The following TLE4 variants were observed in gnomAD, a reference collection of about 807,000 sequenced individuals.
TLE4 encodes the protein TLE family member 4, transcriptional corepressor.
TLE4 carries 8 observed loss-of-function variants against 92.8 expected under a neutral mutation model. The ratio of observed to expected loss-of-function variants is 0.09; its 90% CI spans 0.05 to 0.16. The LOEUF (loss-of-function observed/expected upper bound fraction) is 0.16, where lower values mean the gene tolerates loss of function less well. Among genes scored for constraint, TLE4 ranks in the 10% least tolerant of loss-of-function variants. TLE4 has a pLI of 1.00. For synonymous variants in TLE4, 371 were observed against 374.1 expected, an observed-to-expected ratio of 0.99 and a Z score of 0.10; for missense variants, 675 against 997.6, an observed-to-expected ratio of 0.68 and a Z score of 4.36.
intron 4 of TLE4, among the ~76,000 whole-genome samples, chr9:79,581,651 TA>T (rs1478951660): frequency 6.6e-6 from 1 of 152,230 alleles, no homozygotes; most frequent in South Asian, 2.1e-4. Context: ...AAAAGTTGAT[TA>T]AACAGGGTCA....
chr9:79,680,748 A>T (rs2064359617), intron 8 of TLE4, among the ~76,000 whole-genome samples: 2 of 152,168 alleles, frequency 1.3e-5, no homozygotes, highest in South Asian at 4.1e-4. Context: ...ATTCAGTATG[A>T]TATTGGCTGT....
rs1375573909 is a variant in TLE4, at chr9:79,714,381, G to A, written c.1341-4341G>A. 2.6e-5 allele frequency among the ~76,000 whole-genome samples: 4 copies of A among 152,056 alleles called. No homozygotes were observed. The East Asian group carries it at 5.8e-4, about 22-fold the overall frequency. Reference sequence around the variant, plus strand: ...GATCTGGTATGTTTTTTCAGACTATGCTTGGCCAGTTCCTCCATCCACCTA... The same window carrying A: ...GATCTGGTATGTTTTTTCAGACTATACTTGGCCAGTTCCTCCATCCACCTA... On this transcript the variant is annotated intron_variant, in intron 14 of 19. Coordinates refer to ENST00000376552, the MANE Select transcript of TLE4 (RefSeq NM_007005.6).
At chr9:79,627,508 C>G in intron 6 of TLE4, 60 bp downstream of exon 6, 4 of 1,535,582 alleles carry the variant, frequency 2.6e-6, no homozygotes, top group Non-Finnish European at 3.6e-6. Context: ...CTCTCGCTCT[C>G]TCTTTTTACA....
intron 4 of TLE4, among the ~76,000 whole-genome samples, chr9:79,583,896 TTTAAATA>T (rs1350094278): frequency 6.6e-6 from 1 of 152,184 alleles, no homozygotes; most frequent in Admixed American, 6.5e-5. Context: ...CATGTATTTA[TTTAAATA>T]GCTTCTGTCA....
intron 4 of TLE4, among the ~76,000 whole-genome samples, chr9:79,610,597 T>C (rs998707628): frequency 6.6e-6 from 1 of 151,986 alleles, no homozygotes; most frequent in Admixed American, 6.6e-5. Flanking sequence ...GCATGACAAC[T>C]TAAAGAAATT....
At chr9:79,585,512 T>C (rs1019639224) in intron 4 of TLE4, among the ~76,000 whole-genome samples, 3 of 152,216 alleles carry the variant, frequency 2.0e-5, no homozygotes, top group African/African-American at 7.2e-5. Flanking sequence ...ACCAGCTTTG[T>C]GATATTGCTG....
At chr9:79,656,353 AATTT>A (rs2134311147) in intron 8 of TLE4, among the ~76,000 whole-genome samples, 1 of 152,274 alleles carries the variant, frequency 6.6e-6, no homozygotes, top group Non-Finnish European at 1.5e-5. Flanking sequence ...TGTATGAAAT[AATTT>A]ATTTATGCAA....
chr9:79,575,837 A>G (rs1325862250), intron 3 of TLE4: 4 of 259,066 alleles, frequency 1.5e-5, no homozygotes, highest in Non-Finnish European at 2.9e-5. Context: ...AGGATACCAA[A>G]TTTTCATCAG....
intron 6 of TLE4, among the ~76,000 whole-genome samples, chr9:79,652,141 AAT>A (rs1408883865): frequency 6.6e-6 from 1 of 152,026 alleles, no homozygotes; most frequent in Non-Finnish European, 1.5e-5. Flanking sequence ...CCCTTTTAAA[AAT>A]ATATATATGT....
chr9:79,707,691 T>G (rs2072060617), intron 11 of TLE4, among the ~76,000 whole-genome samples: 1 of 152,238 alleles, frequency 6.6e-6, no homozygotes, highest in Non-Finnish European at 1.5e-5. Flanking sequence ...TGCTCTCTGC[T>G]TAGTCTCTAT....
At chr9:79,715,597 C>G (rs1400570921) in intron 14 of TLE4, among the ~76,000 whole-genome samples, 1 of 152,086 alleles carries the variant, frequency 6.6e-6, no homozygotes, top group Non-Finnish European at 1.5e-5. Flanking sequence ...TGGTGAAAAC[C>G]TTGCTCCTTT....
intron 8 of TLE4, among the ~76,000 whole-genome samples, chr9:79,663,884 T>C (rs568619187): frequency 1.2e-3 from 190 of 152,288 alleles, no homozygotes; most frequent in Non-Finnish European, 2.0e-3. Context: ...AAACAAGGCT[T>C]CAGAAAAGCC....
At chr9:79,619,464 A>G (rs940588764) in intron 5 of TLE4, among the ~76,000 whole-genome samples, 4 of 152,194 alleles carry the variant, frequency 2.6e-5, no homozygotes, top group African/African-American at 9.7e-5. Context: ...TACAGTGGTT[A>G]TATGCACTGG....
intron 4 of TLE4, among the ~76,000 whole-genome samples, chr9:79,598,963 G>A (rs1226694116): frequency 1.3e-5 from 2 of 152,160 alleles, no homozygotes; most frequent in African/African-American, 4.8e-5. Flanking sequence ...AATTTCCTAA[G>A]TCTGAGGTGC....
At chr9:79,617,677 CA>C (rs1170623876) in intron 5 of TLE4, among the ~76,000 whole-genome samples, 4 of 152,046 alleles carry the variant, frequency 2.6e-5, no homozygotes, top group African/African-American at 7.2e-5. Flanking sequence ...AAATGTGGAG[CA>C]AAATACTTAA....
chr9:79,713,636 C>T (rs2136094070), intron 14 of TLE4, among the ~76,000 whole-genome samples: 1 of 152,226 alleles, frequency 6.6e-6, no homozygotes, highest in East Asian at 1.9e-4. Flanking sequence ...AAATTAGGTC[C>T]TCTTCCCAGT....
chr9:79,623,674 G>C (rs1015315349), intron 5 of TLE4, among the ~76,000 whole-genome samples: 2 of 144,334 alleles, frequency 1.4e-5, no homozygotes, highest in African/African-American at 2.6e-5. Flanking sequence ...TTACAGAGTC[G>C]TATAACCATC....
Position 79,678,391 on chromosome 9 carries a change from C to A in TLE4, c.609+24316C>A, listed in dbSNP as rs564222352. On this transcript the variant is annotated intron_variant, in intron 8 of 19. Transcript: ENST00000376552. ...GCTTGAATTGGAAACCACATACAGA[C>A]CTTTCCCTAATCCTAACTTCATCTT... Among the ~76,000 whole-genome samples, 15 of 151,994 alleles carry A rather than the reference C, an allele frequency of 9.9e-5. No individual in the cohort carries two copies. In the East Asian group the frequency reaches 2.7e-3, roughly 27 times the overall value.
intron 8 of TLE4, chr9:79,693,631 A>G (rs765966242): frequency 1.9e-6 from 1 of 517,718 alleles, no homozygotes; most frequent in Non-Finnish European, 3.9e-6. Context: ...CATGCATGGA[A>G]AGAGAGAGAC....
Sources: allele counts gnomAD v4.1 joint callset (sites outside exome capture counted in the v4.1 genomes callset), GRCh38; gene constraint gnomAD v4.1.1; transcripts MANE v1.5; gene names NCBI Gene and HGNC (gene_info 2026-07-23, HGNC 2026-07-21).